ZBTB7C: variants seen among roughly 807,000 people sequenced by gnomAD.
ZBTB7C encodes zinc finger and BTB domain containing 7C, also known as zinc finger and BTB domain-containing protein 7C.
A neutral mutation model predicts 25.7 loss-of-function variants in ZBTB7C; 8 were observed. The ratio of observed to expected loss-of-function variants is 0.31; its 90% CI spans 0.18 to 0.56. The LOEUF is 0.56. ZBTB7C is among the 20% of genes least tolerant of loss of function. The probability of loss-of-function intolerance (pLI) is 0.91; values close to 1 mark genes in which losing one functional copy is unlikely to be tolerated. For synonymous variants in ZBTB7C, 394 were observed against 369.0 expected, an observed-to-expected ratio of 1.07 and a Z score of -0.78; for missense variants, 824 against 855.2, an observed-to-expected ratio of 0.96 and a Z score of 0.46.
chr18:48,093,082 T>C (rs2038478807), intron 3 of ZBTB7C, among the ~76,000 whole-genome samples: 1 of 152,164 alleles, frequency 6.6e-6, no homozygotes. Context: ...GTGAGGGAAC[T>C]CACGATTAAC....
intron 2 of ZBTB7C, among the ~76,000 whole-genome samples, chr18:48,279,897 G>T (rs1233887072): frequency 2.0e-5 from 3 of 152,248 alleles, no homozygotes; most frequent in African/African-American, 7.2e-5. Context: ...TCACAACGCA[G>T]TGGATAAGAG....
At chr18:48,093,541 G>C (rs1381890734) in intron 3 of ZBTB7C, among the ~76,000 whole-genome samples, 2 of 152,098 alleles carry the variant, frequency 1.3e-5, no homozygotes, top group Non-Finnish European at 2.9e-5. Context: ...CTGTCCTCCT[G>C]ATGGCCCACA....
intron 3 of ZBTB7C, among the ~76,000 whole-genome samples, chr18:48,107,239 G>C (rs141824510): frequency 1.3e-5 from 2 of 151,632 alleles, no homozygotes; most frequent in African/African-American, 2.4e-5. Context: ...GTGGAGGAGG[G>C]GTTAGGAAGG....
In ZBTB7C at chr18:48,029,341, G is replaced by A. The variant is rs201960094; in HGVS notation, c.1779C>T (p.Asp593=). The change falls in exon 5 of 5, where the codon GAC becomes GAT. Residue 593 remains aspartate, a synonymous_variant. Coordinates refer to ENST00000590800, the MANE Select transcript of ZBTB7C (RefSeq NM_001318841.2). ...AAARPYFPLP[D]PWAAGLAGLP... is the part of the protein sequence containing the mutation. ...GGCCGGCCAGGCCGGCGGCCCAAGG[G>A]TCGGGCAGCGGGAAGTAGGGCCGCG... 1.0e-3 allele frequency: 1,619 copies of A among 1,543,430 alleles called. 23 individuals are homozygous for A. In the East Asian group the frequency reaches 0.031, roughly 30 times the overall value.
At chr18:48,262,394 G>C (rs2044196983) in intron 2 of ZBTB7C, among the ~76,000 whole-genome samples, 1 of 152,188 alleles carries the variant, frequency 6.6e-6, no homozygotes, top group Non-Finnish European at 1.5e-5. Flanking sequence ...GTCCTGCCCT[G>C]CTGGGATTCT....
At chr18:48,041,297 C>G (rs780363466) in intron 3 of ZBTB7C, 174 bp from the exon 4 acceptor site, 3 of 985,382 alleles carry the variant, frequency 3.0e-6, no homozygotes, top group Non-Finnish European at 2.4e-6. Flanking sequence ...GCCTGGCTTA[C>G]AAGCTGGGGC....
intron 3 of ZBTB7C, among the ~76,000 whole-genome samples, chr18:48,042,063 C>T (rs980505936): frequency 6.6e-6 from 1 of 152,188 alleles, no homozygotes; most frequent in African/African-American, 2.4e-5. Context: ...TTTCAGGAAG[C>T]ACAGCTCACA....
At chr18:48,107,731 G>A (rs888041094) in intron 3 of ZBTB7C, among the ~76,000 whole-genome samples, 10 of 152,072 alleles carry the variant, frequency 6.6e-5, no homozygotes, top group Non-Finnish European at 1.5e-5. Context: ...ACCCTTCCCC[G>A]CTGTGGGGTC....
intron 3 of ZBTB7C, among the ~76,000 whole-genome samples, chr18:48,079,824 C>T (rs2144473806): frequency 6.6e-6 from 1 of 152,326 alleles, no homozygotes; most frequent in South Asian, 2.1e-4. Context: ...TACAGGGGAG[C>T]CGGGGAAGAG....
chr18:48,327,147 G>A (rs2046237995), intron 2 of ZBTB7C, among the ~76,000 whole-genome samples: 1 of 152,102 alleles, frequency 6.6e-6, no homozygotes, highest in South Asian at 2.1e-4. Flanking sequence ...ACAGTGGCCT[G>A]GTCTCTCTGT....
At chr18:48,079,831 A>G (rs779793543) in intron 3 of ZBTB7C, among the ~76,000 whole-genome samples, 3 of 152,230 alleles carry the variant, frequency 2.0e-5, no homozygotes, top group Non-Finnish European at 4.4e-5. Context: ...GAGCCGGGGA[A>G]GAGGGACATA....
chr18:48,069,100 G>A (rs561929863), intron 3 of ZBTB7C, among the ~76,000 whole-genome samples: 6 of 152,292 alleles, frequency 3.9e-5, no homozygotes, highest in Non-Finnish European at 8.8e-5. Context: ...TGGTATCCCC[G>A]GCCCCAGCGC....
chr18:48,137,726 T>C (rs2040218997), intron 3 of ZBTB7C, among the ~76,000 whole-genome samples: 1 of 152,216 alleles, frequency 6.6e-6, no homozygotes, highest in African/African-American at 2.4e-5. Flanking sequence ...TCATGAGACC[T>C]TGTGGGTGGG....
chr18:48,292,023 C>T (rs2045244422), intron 2 of ZBTB7C, among the ~76,000 whole-genome samples: 3 of 151,990 alleles, frequency 2.0e-5, no homozygotes, highest in South Asian at 4.2e-4. Context: ...CATGGTGAAA[C>T]CCCGTCTTTA....
At chr18:48,149,433 G>C (rs1291967125) in intron 3 of ZBTB7C, 2 of 152,240 alleles carry the variant, frequency 1.3e-5, no homozygotes, top group Non-Finnish European at 2.9e-5. Flanking sequence ...CCTAATGCTA[G>C]TCAGCATGCC....
At chr18:48,321,339 G>A (rs1194451668) in intron 2 of ZBTB7C, among the ~76,000 whole-genome samples, 1 of 152,190 alleles carries the variant, frequency 6.6e-6, no homozygotes, top group Non-Finnish European at 1.5e-5. Context: ...GGCTTGCTCA[G>A]CCCAGAGATG....
Position 48,207,706 on chromosome 18 carries a change from G to A in ZBTB7C, c.-78-21711C>T, listed in dbSNP as rs570000831. On this transcript the variant is annotated intron_variant, in intron 2 of 4. Transcript: ENST00000590800. ...GGAGCTCAAGCAATCCTCCCACCTC[G>A]GCCTCCCAAAACGTTGGGATTACAG... 9.3e-4 allele frequency among the ~76,000 whole-genome samples: 142 copies of A among 151,972 alleles called. 2 individuals carry two copies. The highest frequency in any genetic ancestry group is 1.5e-3 in the East Asian group (8 of 5,164).
At chr18:48,248,014 A>C (rs117014616) in intron 2 of ZBTB7C, among the ~76,000 whole-genome samples, 3,371 of 152,252 alleles carry the variant, frequency 0.022, 62 homozygotes, top group Non-Finnish European at 0.033. Flanking sequence ...TAAGTCTCAC[A>C]AAATCTAATG....
intron 3 of ZBTB7C, among the ~76,000 whole-genome samples, chr18:48,089,597 G>A (rs1156469870): frequency 1.3e-5 from 2 of 151,818 alleles, no homozygotes; most frequent in Non-Finnish European, 2.9e-5. Flanking sequence ...ATGGTACTAC[G>A]CACACCGCTC....
Sources: allele counts gnomAD v4.1 joint callset (sites outside exome capture counted in the v4.1 genomes callset), GRCh38; gene constraint gnomAD v4.1.1; transcripts MANE v1.5; gene names NCBI Gene and HGNC (gene_info 2026-07-23, HGNC 2026-07-21).